PRSS23: variants seen among roughly 807,000 people sequenced by gnomAD.
PRSS23 encodes the protein protease, serine 23.
Under a neutral mutation model 34.7 loss-of-function variants are expected in PRSS23, and 25 were observed. That is an observed-to-expected ratio of 0.72 (90% CI 0.53 to 1.01). The LOEUF is 1.01. Among genes scored for constraint, PRSS23 ranks in the 50% least tolerant of loss-of-function variants. The pLI, the probability that PRSS23 is intolerant of heterozygous loss-of-function variation, is 0.00. For missense variants in PRSS23, 445 were observed against 475.6 expected (o/e 0.94, Z 0.60); for synonymous variants, 176 against 186.6 (o/e 0.94, Z 0.46).
chr11:86,857,659 G>C, intron 2 of PRSS23: 1 of 538,320 alleles, frequency 1.9e-6, no homozygotes, highest in South Asian at 1.4e-5. Context: ...TCGGTCATAG[G>C]CCATCAGAGT....
intron 2 of PRSS23, among the ~76,000 whole-genome samples, chr11:86,833,624 G>T (rs1948378842): frequency 1.3e-5 from 2 of 152,100 alleles, no homozygotes; most frequent in African/African-American, 4.8e-5. Flanking sequence ...GTGCTCTCAG[G>T]CCATAGATGA....
chr11:86,851,721 T>A (rs1232632730), intron 2 of PRSS23, among the ~76,000 whole-genome samples: 14 of 152,222 alleles, frequency 9.2e-5, no homozygotes, highest in Non-Finnish European at 1.6e-4. Flanking sequence ...ACAAGCTGCA[T>A]AGACCACAGA....
intron 2 of PRSS23, among the ~76,000 whole-genome samples, chr11:86,938,693 A>T (rs969071422): frequency 1.7e-5 from 2 of 117,874 alleles, no homozygotes; most frequent in African/African-American, 6.6e-5. Flanking sequence ...TGGTGCAAGG[A>T]GGCCAGATAG....
chr11:86,813,840 G>A (rs544488314), downstream of PRSS23, among the ~76,000 whole-genome samples: 62 of 152,312 alleles, frequency 4.1e-4, no homozygotes, highest in African/African-American at 1.3e-3. Context: ...AATGGAGAAT[G>A]GATTTTAGGC....
chr11:86,878,415 G>C (rs913737786), intron 2 of PRSS23, among the ~76,000 whole-genome samples: 1 of 152,118 alleles, frequency 6.6e-6, no homozygotes, highest in East Asian at 1.9e-4. Context: ...GGCGCGCGCC[G>C]CCACGCCTGA....
chr11:86,795,801 A>G (rs369878127), upstream of PRSS23, among the ~76,000 whole-genome samples: 48 of 152,366 alleles, frequency 3.2e-4, 1 homozygote, highest in African/African-American at 9.9e-4. Flanking sequence ...TTATTATCAA[A>G]GAAATATGAA....
chr11:86,934,595 T>C (rs1454465032), intron 2 of PRSS23: 4 of 152,244 alleles, frequency 2.6e-5, no homozygotes, highest in African/African-American at 7.2e-5. Context: ...TATTTTCTTA[T>C]GGATTTTTTA....
chr11:86,827,516 T>G (rs1213688214), intron 2 of PRSS23, among the ~76,000 whole-genome samples: 4 of 152,236 alleles, frequency 2.6e-5, no homozygotes, highest in African/African-American at 4.8e-5. Context: ...TGATTTTAGT[T>G]ATTTCTTGCC....
intron 2 of PRSS23, among the ~76,000 whole-genome samples, chr11:86,860,535 G>A (rs114996020): frequency 0.026 from 4,005 of 151,142 alleles, 195 homozygotes; most frequent in African/African-American, 0.092. Flanking sequence ...GATATTGTTC[G>A]TAATATCCAG....
chr11:86,808,333 CA>C lies in PRSS23; in HGVS notation c.692del (p.Lys231ArgfsTer31). 1.2e-6 allele frequency: 2 copies of C among 1,614,100 alleles called. No homozygotes were observed. The highest frequency in any genetic ancestry group is 1.7e-6 in the Non-Finnish European group (2 of 1,180,040). On this transcript the variant is annotated frameshift_variant, in exon 2 of 2. Coordinates refer to ENST00000280258, the MANE Select transcript of PRSS23 (RefSeq NM_007173.6). LOFTEE classifies it high-confidence loss of function. ...WIRVKRTHVP[K>X]GWIKGNANDI... Reference sequence around the variant, plus strand: ...TCCGGGTGAAACGCACCCATGTGCCCAAGGGTTGGATCAAGGGCAATGCCAA... The same window carrying C: ...TCCGGGTGAAACGCACCCATGTGCCCAGGGTTGGATCAAGGGCAATGCCAA...
Position 86,946,478 on chromosome 11 carries a change from A to G in PRSS23, c.207-4738A>G, listed in dbSNP as rs713065. 0.57 allele frequency: 86,133 copies of G among 152,044 alleles called. 24,803 individuals are homozygous for G. The highest frequency in any genetic ancestry group is 0.71 in the Middle Eastern group (207 of 292). 9.4% of individuals were successfully genotyped at this position (152,044 alleles called of 1,614,324 possible). Reference sequence around the variant, plus strand: ...AAAAAGGTACATCAGAAACAGAAACATGCTACTATCAGGGCAACTGAGCTT... The same window carrying G: ...AAAAAGGTACATCAGAAACAGAAACGTGCTACTATCAGGGCAACTGAGCTT... On this transcript the variant is annotated intron_variant, in intron 2 of 2. Transcript: ENST00000533902.
intron 2 of PRSS23, among the ~76,000 whole-genome samples, chr11:86,887,958 A>G (rs1178078616): frequency 6.6e-6 from 1 of 152,018 alleles, no homozygotes; most frequent in African/African-American, 2.4e-5. Flanking sequence ...AGGCTGAGGC[A>G]GGATAATTGC....
intron 2 of PRSS23, among the ~76,000 whole-genome samples, chr11:86,830,745 GGTGTACACCC>G (rs1430956556): frequency 6.6e-6 from 1 of 152,028 alleles, no homozygotes; most frequent in Non-Finnish European, 1.5e-5. Context: ...ATATCACAGA[GGTGTACACCC>G]TTTAACATTA....
At chr11:86,867,120 G>A (rs1193163801) in intron 2 of PRSS23, among the ~76,000 whole-genome samples, 2 of 152,154 alleles carry the variant, frequency 1.3e-5, no homozygotes, top group African/African-American at 4.8e-5. Context: ...CTTCATCCCC[G>A]AGCAGAAATG....
intron 2 of PRSS23, among the ~76,000 whole-genome samples, chr11:86,840,809 C>T (rs969629852): frequency 1.3e-5 from 2 of 152,154 alleles, no homozygotes; most frequent in East Asian, 3.8e-4. Flanking sequence ...AAGATACTCA[C>T]TCAAAACTGC....
chr11:86,829,601 T>A (rs1186475414), intron 2 of PRSS23, among the ~76,000 whole-genome samples: 1 of 152,216 alleles, frequency 6.6e-6, no homozygotes, highest in African/African-American at 2.4e-5. Flanking sequence ...GCTCTGTTTT[T>A]TCCCCATCTT....
intron 1 of PRSS23, among the ~76,000 whole-genome samples, chr11:86,801,405 A>C (rs958372257): frequency 6.6e-6 from 1 of 152,238 alleles, no homozygotes; most frequent in African/African-American, 2.4e-5. Context: ...GCTTTCCAGC[A>C]CCTCAGGAGA....
At chr11:86,867,365 T>C (rs1411998182) in intron 2 of PRSS23, among the ~76,000 whole-genome samples, 1 of 152,204 alleles carries the variant, frequency 6.6e-6, no homozygotes, top group Admixed American at 6.5e-5. Flanking sequence ...CTGATTTCCA[T>C]GGGAACTGTG....
intron 1 of PRSS23, among the ~76,000 whole-genome samples, chr11:86,805,324 A>G (rs1179368745): frequency 3.3e-5 from 5 of 152,152 alleles, no homozygotes. Context: ...TGTCATCACC[A>G]CACCCATTTC....
Sources: gnomAD v4.1 joint callset for allele counts (sites outside exome capture counted in the v4.1 genomes callset) on GRCh38, gnomAD v4.1.1 for gene constraint, MANE v1.5 for transcripts, NCBI Gene and HGNC (gene_info 2026-07-23, HGNC 2026-07-21) for gene names.